The following TPST1 variants were observed in gnomAD, a reference collection of about 807,000 sequenced individuals.
The protein encoded by TPST1 is protein-tyrosine sulfotransferase 1.
Under a neutral mutation model 34.8 loss-of-function variants are expected in TPST1, and 20 were observed. That is an observed-to-expected ratio of 0.57 (90% CI 0.40 to 0.84). TPST1 has a LOEUF of 0.84. Among genes scored for constraint, TPST1 ranks in the 40% least tolerant of loss-of-function variants. The pLI is 0.00. For missense variants in TPST1, 353 were observed against 455.5 expected (o/e 0.78, Z 2.05); for synonymous variants, 152 against 159.4 (o/e 0.95, Z 0.35).
chr7:66,202,174 G>A (rs575302279), upstream of TPST1, among the ~76,000 whole-genome samples: 1 of 152,042 alleles, frequency 6.6e-6, no homozygotes, highest in East Asian at 1.9e-4. Context: ...TACTATATGT[G>A]TTGGGGCAGA....
chr7:66,239,046 T>A (rs1789970898), intron 1 of TPST1, among the ~76,000 whole-genome samples: 1 of 152,252 alleles, frequency 6.6e-6, no homozygotes, highest in Non-Finnish European at 1.5e-5. Context: ...GTTTGCAGCC[T>A]ATACACTAGC....
upstream of TPST1, among the ~76,000 whole-genome samples, chr7:66,201,408 A>G (rs1189853377): frequency 1.3e-5 from 2 of 150,638 alleles, no homozygotes; most frequent in Non-Finnish European, 3.0e-5. Flanking sequence ...AAAAAGTAAA[A>G]GGCTGGGCAC....
intron 1 of TPST1, among the ~76,000 whole-genome samples, chr7:66,228,426 T>C (rs1789709089): frequency 6.6e-6 from 1 of 152,226 alleles, no homozygotes; most frequent in Non-Finnish European, 1.5e-5. Context: ...TTAAGTGTAA[T>C]TTAAAATAGT....
chr7:66,232,786 A>G (rs796221041), intron 1 of TPST1, among the ~76,000 whole-genome samples: 41 of 152,286 alleles, frequency 2.7e-4, no homozygotes, highest in African/African-American at 9.1e-4. Context: ...TTCTGAGGAA[A>G]ACTGTCAATG....
At chr7:66,322,186 C>T (rs533486060) in intron 3 of TPST1, among the ~76,000 whole-genome samples, 1 of 152,236 alleles carries the variant, frequency 6.6e-6, no homozygotes, top group South Asian at 2.1e-4. Context: ...AAGTTTATTG[C>T]TTTACCTTTC....
intron 1 of TPST1, among the ~76,000 whole-genome samples, chr7:66,236,340 T>C (rs1789912150): frequency 6.6e-6 from 1 of 152,186 alleles, no homozygotes; most frequent in Non-Finnish European, 1.5e-5. Flanking sequence ...AAATCCCTGC[T>C]TTTTCACTCT....
intron 3 of TPST1, chr7:66,344,393 T>C (rs1435656575): frequency 6.6e-6 from 1 of 152,164 alleles, no homozygotes. Context: ...ATATGTAAGG[T>C]CATGAAGCAT....
rs142648325 is a variant in TPST1, at chr7:66,277,057, T to C, written c.846-9454T>C. 2.0e-5 allele frequency among the ~76,000 whole-genome samples: 3 copies of C among 152,298 alleles called. No individual in the cohort carries two copies. In the East Asian group the frequency reaches 5.8e-4, roughly 29 times the overall value. On this transcript the variant is annotated intron_variant, in intron 2 of 5. Transcript: ENST00000304842. ...TGCTTTCTGAGACTTCCTGACTCCA[T>C]AGCCTCCCCTCGCTTGTATCGGGGC...
intron 2 of TPST1, among the ~76,000 whole-genome samples, chr7:66,285,220 C>T (rs1292947277): frequency 1.3e-5 from 2 of 152,114 alleles, no homozygotes; most frequent in Non-Finnish European, 2.9e-5. Context: ...CATTCCTGAA[C>T]ACTGATGGGA....
chr7:66,248,377 T>G (rs1254248254), intron 2 of TPST1, among the ~76,000 whole-genome samples: 1 of 152,110 alleles, frequency 6.6e-6, no homozygotes, highest in East Asian at 1.9e-4. Flanking sequence ...AAAACTGAAG[T>G]GAAGCTCATG....
At chr7:66,355,202 A>G (rs1021134048) in intron 4 of TPST1, among the ~76,000 whole-genome samples, 74 of 151,712 alleles carry the variant, frequency 4.9e-4, no homozygotes, top group African/African-American at 1.7e-3. Flanking sequence ...AGCCGAGTGC[A>G]GTGACTCACA....
chr7:66,322,690 A>G (rs1045865046), intron 3 of TPST1, among the ~76,000 whole-genome samples: 5 of 152,236 alleles, frequency 3.3e-5, no homozygotes, highest in African/African-American at 1.2e-4. Flanking sequence ...TGCAGTGAAC[A>G]TGATGTGCAG....
intron 3 of TPST1, among the ~76,000 whole-genome samples, chr7:66,340,614 G>T (rs1792217591): frequency 6.6e-6 from 1 of 151,980 alleles, no homozygotes; most frequent in South Asian, 2.1e-4. Flanking sequence ...ATCTGAAAAA[G>T]AAATCAGAAA....
intron 1 of TPST1, among the ~76,000 whole-genome samples, chr7:66,210,453 A>G (rs1051907893): frequency 2.0e-5 from 3 of 152,214 alleles, no homozygotes; most frequent in African/African-American, 7.2e-5. Flanking sequence ...CATAGGCACT[A>G]CTTAAAAACC....
intron 1 of TPST1, among the ~76,000 whole-genome samples, chr7:66,223,957 G>C (rs942169208): frequency 6.6e-6 from 1 of 152,166 alleles, no homozygotes; most frequent in African/African-American, 2.4e-5. Context: ...TTGTGTTCTA[G>C]GCATTAGGTC....
At chr7:66,259,834 G>A (rs555253868) in intron 2 of TPST1, among the ~76,000 whole-genome samples, 6 of 152,260 alleles carry the variant, frequency 3.9e-5, no homozygotes, top group Admixed American at 3.9e-4. Flanking sequence ...TTTGACAAAT[G>A]TATACTACCA....
chr7:66,347,066 T>TTTC lies in TPST1; in HGVS notation c.1045-5437_1045-5436insCTT, dbSNP rs1792369405. On this transcript the variant is annotated intron_variant, in intron 3 of 5. Coordinates refer to ENST00000304842, the MANE Select transcript of TPST1 (RefSeq NM_003596.4). ...TTTTTTTCCTTTGCTTTTCTTTTTT[T>TTTC]TTTTTTTTTTTTTTTTTTTGAGACA... 3.6e-5 allele frequency among the ~76,000 whole-genome samples: 4 copies of TTTC among 109,968 alleles called. No homozygotes were observed. The South Asian group carries it at 9.8e-4, about 27-fold the overall frequency. 72.1% of individuals were successfully genotyped at this position (109,968 alleles called of 152,430 possible).
At chr7:66,328,886 C>CTATATA (rs1554354127) in intron 3 of TPST1, among the ~76,000 whole-genome samples, 4 of 22,088 alleles carry the variant, frequency 1.8e-4, no homozygotes, top group Admixed American at 8.7e-4. Context: ...CTCTCTCTCT[C>CTATATA]TATATATATA....
At chr7:66,351,242 G>A (rs2116383656) in intron 3 of TPST1, among the ~76,000 whole-genome samples, 1 of 152,242 alleles carries the variant, frequency 6.6e-6, no homozygotes, top group South Asian at 2.1e-4. Flanking sequence ...TCATTATGTT[G>A]AGATTCATCT....
Sources: gnomAD v4.1 joint callset for allele counts (sites outside exome capture counted in the v4.1 genomes callset) on GRCh38, gnomAD v4.1.1 for gene constraint, MANE v1.5 for transcripts, NCBI Gene and HGNC (gene_info 2026-07-23, HGNC 2026-07-21) for gene names.